NEK10: variants seen among roughly 807,000 people sequenced by gnomAD.
NEK10 encodes NIMA related kinase 10, also known as serine/threonine-protein kinase Nek10.
In NEK10, 122 loss-of-function variants were observed where a neutral mutation model predicts 159.8. The observed-to-expected ratio is 0.76, with a 90% CI of 0.66 to 0.89. The LOEUF is 0.89. NEK10 is among the 40% of genes least tolerant of loss of function. The pLI, the probability that NEK10 is intolerant of heterozygous loss-of-function variation, is 0.00. For missense variants in NEK10, 1,342 were observed against 1,323.1 expected (o/e 1.01, Z -0.22); for synonymous variants, 466 against 457.1 (o/e 1.02, Z -0.25).
At chr3:27,317,008 C>G (rs1026200788) in intron 6 of NEK10, among the ~76,000 whole-genome samples, 2 of 152,198 alleles carry the variant, frequency 1.3e-5, no homozygotes, top group Non-Finnish European at 1.5e-5. Flanking sequence ...CGTATTACTC[C>G]TGTGGAATAA....
chr3:27,353,254 C>T (rs1392010343), intron 1 of NEK10, among the ~76,000 whole-genome samples: 1 of 152,056 alleles, frequency 6.6e-6, no homozygotes, highest in South Asian at 2.1e-4. Context: ...TGAAGATGCC[C>T]ATATTTTCAA....
In NEK10 at chr3:27,319,743, G is replaced by A. The variant is rs530612868; in HGVS notation, c.447+2434C>T. Reference sequence around the variant, plus strand: ...ACTTCTGAAATATGAGGGAAGTAGAGTTGCGGGATAACCCAAATATTTCAA... The same window carrying A: ...ACTTCTGAAATATGAGGGAAGTAGAATTGCGGGATAACCCAAATATTTCAA... On this transcript the variant is annotated intron_variant, in intron 6 of 35. Coordinates refer to ENST00000691995, the MANE Select transcript of NEK10 (RefSeq NM_001394966.1). 3.2e-5 allele frequency among the ~76,000 whole-genome samples: 3 copies of A among 93,076 alleles called. No homozygotes were observed. The South Asian group carries it at 1.2e-3, about 37-fold the overall frequency. 61.1% of individuals were successfully genotyped at this position (93,076 alleles called of 152,430 possible).
intron 30 of NEK10, among the ~76,000 whole-genome samples, chr3:27,155,729 C>T (rs1401212929): frequency 6.6e-6 from 1 of 151,904 alleles, no homozygotes; most frequent in South Asian, 2.1e-4. Flanking sequence ...AAACAGTCTA[C>T]AAATTCAATG....
chr3:27,292,701 G>T (rs543793241), intron 16 of NEK10, among the ~76,000 whole-genome samples: 8 of 150,598 alleles, frequency 5.3e-5, no homozygotes, highest in Admixed American at 1.3e-4. Flanking sequence ...AGGTGTGGTG[G>T]TGCATGCCTG....
At chr3:27,190,199 C>A (rs1432063633) in intron 26 of NEK10, among the ~76,000 whole-genome samples, 1 of 152,144 alleles carries the variant, frequency 6.6e-6, no homozygotes, top group African/African-American at 2.4e-5. Context: ...GAGTATACAA[C>A]CTCTGGAACA....
At chr3:27,184,445 C>G (rs147808431) in intron 26 of NEK10, among the ~76,000 whole-genome samples, 85 of 152,294 alleles carry the variant, frequency 5.6e-4, no homozygotes, top group African/African-American at 1.9e-3. Context: ...AGGGAACATT[C>G]TGAGGTGAGA....
chr3:27,166,447 T>G (rs1489096367), intron 29 of NEK10, among the ~76,000 whole-genome samples: 2 of 152,168 alleles, frequency 1.3e-5, no homozygotes, highest in East Asian at 3.9e-4. Context: ...ATGGGCCAGG[T>G]TGATTCTAGC....
At chr3:27,328,728 T>C (rs1428261437) in intron 5 of NEK10, among the ~76,000 whole-genome samples, 1 of 152,152 alleles carries the variant, frequency 6.6e-6, no homozygotes, top group Non-Finnish European at 1.5e-5. Context: ...AAAATCCTTC[T>C]AAATTCAACG....
intron 32 of NEK10, among the ~76,000 whole-genome samples, chr3:27,129,852 A>T (rs949792148): frequency 1.3e-5 from 2 of 152,106 alleles, no homozygotes; most frequent in East Asian, 1.9e-4. Context: ...CCATAGAGAA[A>T]GGTAAGATTA....
intron 29 of NEK10, among the ~76,000 whole-genome samples, chr3:27,169,274 T>C (rs943551350): frequency 1.1e-4 from 16 of 152,192 alleles, no homozygotes; most frequent in African/African-American, 3.6e-4. Context: ...TGTTGGGTAC[T>C]AGCAAGCCCT....
chr3:27,327,900 G>A (rs1161661415), intron 5 of NEK10, among the ~76,000 whole-genome samples: 8 of 150,054 alleles, frequency 5.3e-5, no homozygotes, highest in Non-Finnish European at 1.2e-4. Context: ...TTTTTGGATA[G>A]CTGAAAAAGT....
At chr3:27,368,896 A>G (rs1454160196) in intron 1 of NEK10, 1 of 152,356 alleles carries the variant, frequency 6.6e-6, no homozygotes, top group Non-Finnish European at 1.5e-5. Context: ...ATGAACCTCC[A>G]GAGGCGTCGG....
chr3:27,320,279 GAC>G (rs1474472831), intron 6 of NEK10, among the ~76,000 whole-genome samples: 1 of 152,104 alleles, frequency 6.6e-6, no homozygotes, highest in African/African-American at 2.4e-5. Flanking sequence ...GATTAAAAAA[GAC>G]AGAACTTCAG....
chr3:27,311,480 C>G (rs2044694760), intron 8 of NEK10: 1 of 157,354 alleles, frequency 6.4e-6, no homozygotes, highest in African/African-American at 2.4e-5. Flanking sequence ...CTCCCTGGAT[C>G]TGAGAATCAC....
rs763505538 is a variant in NEK10, at chr3:27,284,849, T to G, written c.1902A>C (p.Ile634=). The G allele has an allele frequency of 6.3e-7, 1 of 1,583,028 alleles. No individual in the cohort carries two copies. The highest frequency in any genetic ancestry group is 8.7e-7 in the Non-Finnish European group (1 of 1,153,222). The change falls in exon 21 of 36, where the codon ATA becomes ATC. Residue 634 remains isoleucine, a synonymous_variant. Coordinates refer to ENST00000691995, the MANE Select transcript of NEK10 (RefSeq NM_001394966.1). The stretch of plus-strand genomic sequence containing the variant: ...GAAGATAAAAGCATACCTGTATAAA[T>G]ATTTTCCATAGTCTTTCTTCAGTAA... ...HHFTEERLWK[I]FIQLCLALRY... is the part of the protein sequence containing the mutation.
intron 23 of NEK10, among the ~76,000 whole-genome samples, chr3:27,233,613 C>T (rs1424920282): frequency 6.6e-6 from 1 of 151,910 alleles, no homozygotes; most frequent in African/African-American, 2.4e-5. Context: ...CAGCACAATT[C>T]ACAATTGCAA....
chr3:27,335,175 C>T (rs1266563640), intron 5 of NEK10, among the ~76,000 whole-genome samples: 2 of 151,916 alleles, frequency 1.3e-5, no homozygotes, highest in African/African-American at 2.4e-5. Context: ...TCCCTCTCTA[C>T]TAAAAACTAC....
chr3:27,145,215 A>T (rs1037455463), intron 30 of NEK10, among the ~76,000 whole-genome samples: 1 of 152,040 alleles, frequency 6.6e-6, no homozygotes, highest in Non-Finnish European at 1.5e-5. Flanking sequence ...TATTAAAGAG[A>T]CATCGGTGAG....
intron 3 of NEK10, among the ~76,000 whole-genome samples, chr3:27,350,352 A>G (rs564963155): frequency 9.2e-5 from 14 of 152,180 alleles, no homozygotes; most frequent in African/African-American, 3.4e-4. Context: ...TAAGCTCTTA[A>G]TGACTCTTTC....
Sources: gnomAD v4.1 joint callset for allele counts (sites outside exome capture counted in the v4.1 genomes callset) on GRCh38, gnomAD v4.1.1 for gene constraint, MANE v1.5 for transcripts, NCBI Gene and HGNC (gene_info 2026-07-23, HGNC 2026-07-21) for gene names.